The following EIF2B3 variants were observed in gnomAD, a reference collection of about 807,000 sequenced individuals.
EIF2B3 encodes the protein translation initiation factor eIF2B subunit gamma.
Under a neutral mutation model 54.1 loss-of-function variants are expected in EIF2B3, and 20 were observed. That is an observed-to-expected ratio of 0.37 (90% CI 0.26 to 0.54). The LOEUF is 0.54. EIF2B3 is among the 20% of genes least tolerant of loss of function. The pLI is 0.86. For synonymous variants in EIF2B3, 153 were observed against 188.1 expected (o/e 0.81, Z 1.52); for missense variants, 448 against 547.8 (o/e 0.82, Z 1.82).
At chr1:44,905,747 AC>A (rs1340717804) in intron 5 of EIF2B3, among the ~76,000 whole-genome samples, 1 of 152,224 alleles carries the variant, frequency 6.6e-6, no homozygotes, top group Non-Finnish European at 1.5e-5. Flanking sequence ...TTAATTACAT[AC>A]AAAAATACCT....
chr1:44,862,441 A>G (rs1246275508), intron 10 of EIF2B3, among the ~76,000 whole-genome samples: 5 of 152,158 alleles, frequency 3.3e-5, no homozygotes, highest in Admixed American at 3.3e-4. Flanking sequence ...ACACCACACT[A>G]TACTATGTTG....
At chr1:44,971,299 C>T (rs565536328) in intron 3 of EIF2B3, among the ~76,000 whole-genome samples, 1 of 149,978 alleles carries the variant, frequency 6.7e-6, no homozygotes, top group Non-Finnish European at 1.5e-5. Flanking sequence ...AGAAGAATGG[C>T]GTGAACCCAG....
At chr1:44,884,950 T>C (rs1372489672) in intron 6 of EIF2B3, among the ~76,000 whole-genome samples, 1 of 152,198 alleles carries the variant, frequency 6.6e-6, no homozygotes, top group East Asian at 1.9e-4. Flanking sequence ...TCAATCCCCA[T>C]GATGCAGTTG....
rs190191718 is a variant in EIF2B3 at position 44,960,597 on chromosome 1, C to T, written c.294+17718G>A. Among the ~76,000 whole-genome samples the T allele has an allele frequency of 1.5e-4, 22 of 151,692 alleles. No individual in the cohort carries two copies. The East Asian group carries it at 4.3e-3, about 29-fold the overall frequency. On this transcript the variant is annotated intron_variant, in intron 3 of 11. Transcript: ENST00000360403. ...AGCTTGCAGTGAGCCGAGATCGCGC[C>T]ACTGCACTCCAGCCTGGGCAACACA...
intron 5 of EIF2B3, among the ~76,000 whole-genome samples, chr1:44,924,005 A>G (rs1001458194): frequency 2.7e-5 from 4 of 150,764 alleles, no homozygotes; most frequent in African/African-American, 9.8e-5. Context: ...CAGCGGTGCA[A>G]TCTCGGCTCA....
At chr1:44,855,744 AC>A (rs1292064033) in intron 11 of EIF2B3, among the ~76,000 whole-genome samples, 3 of 151,982 alleles carry the variant, frequency 2.0e-5, no homozygotes, top group Non-Finnish European at 4.4e-5. Context: ...TTTAGTAGAG[AC>A]GGGGTTTCAC....
At chr1:44,952,260 G>A (rs1644173202) in intron 3 of EIF2B3, among the ~76,000 whole-genome samples, 1 of 103,694 alleles carries the variant, frequency 9.6e-6, no homozygotes, top group East Asian at 2.8e-4. Context: ...ACCGCGCCCG[G>A]CCCTAATTTT....
At chr1:44,877,028 G>A (rs1392797048) in intron 8 of EIF2B3, among the ~76,000 whole-genome samples, 1 of 150,258 alleles carries the variant, frequency 6.7e-6, no homozygotes, top group Admixed American at 6.6e-5. Context: ...ACCACTCCCT[G>A]ATCTTAAGTA....
intron 10 of EIF2B3, among the ~76,000 whole-genome samples, chr1:44,868,226 G>A (rs1180541349): frequency 5.3e-5 from 8 of 151,748 alleles, no homozygotes; most frequent in African/African-American, 1.7e-4. Context: ...GTGAAACCCC[G>A]TCTCTACTAA....
intron 3 of EIF2B3, among the ~76,000 whole-genome samples, chr1:44,943,865 G>C (rs893141609): frequency 1.3e-5 from 2 of 152,162 alleles, no homozygotes; most frequent in Admixed American, 1.3e-4. Context: ...TATAGTTTAG[G>C]CTGGGCGCAG....
chr1:44,872,961 G>A (rs1012316551), intron 10 of EIF2B3, among the ~76,000 whole-genome samples: 4 of 152,152 alleles, frequency 2.6e-5, no homozygotes, highest in African/African-American at 9.7e-5. Flanking sequence ...CTCTATTAGT[G>A]GTGTGCTGAC....
At chr1:44,872,730 C>T (rs1358891303) in intron 10 of EIF2B3, among the ~76,000 whole-genome samples, 2 of 152,118 alleles carry the variant, frequency 1.3e-5, no homozygotes, top group African/African-American at 4.8e-5. Flanking sequence ...CAAGATTCAG[C>T]TCAAGGGTCA....
chr1:44,937,883 CAAAAAAAAAAAAAAAAAAAAAAA>C (rs34363661), intron 4 of EIF2B3, among the ~76,000 whole-genome samples: 5 of 33,534 alleles, frequency 1.5e-4, no homozygotes, highest in South Asian at 2.0e-3. Flanking sequence ...GACTCCGTCT[CAAAAAAAAAAAAAAAAAAAAAAA>C]AAAAAAAAAA....
chr1:44,955,436 A>C (rs566818516), intron 3 of EIF2B3, among the ~76,000 whole-genome samples: 1 of 152,344 alleles, frequency 6.6e-6, no homozygotes, highest in African/African-American at 2.4e-5. Context: ...AGGCAATACC[A>C]TTCAGGAGAT....
At chr1:44,917,277 T>C (rs746710402) in intron 5 of EIF2B3, among the ~76,000 whole-genome samples, 5 of 152,208 alleles carry the variant, frequency 3.3e-5, no homozygotes, top group Non-Finnish European at 7.4e-5. Flanking sequence ...GCCAATCACC[T>C]GAGGTCAGGA....
chr1:44,960,613 G>C (rs1374593091), intron 3 of EIF2B3, among the ~76,000 whole-genome samples: 1 of 151,792 alleles, frequency 6.6e-6, no homozygotes, highest in Non-Finnish European at 1.5e-5. Context: ...ACTCCAGCCT[G>C]GGCAACACAG....
At chr1:44,904,247 T>C (rs1173930170) in intron 5 of EIF2B3, among the ~76,000 whole-genome samples, 2 of 152,084 alleles carry the variant, frequency 1.3e-5, no homozygotes, top group African/African-American at 4.8e-5. Flanking sequence ...CAAAAAAAAG[T>C]CAAATACAAG....
In EIF2B3 at chr1:44,922,903, C is replaced by T. The variant is rs174638; in HGVS notation, c.566+3725G>A. On this transcript the variant is annotated intron_variant, in intron 5 of 11. Coordinates refer to ENST00000360403, the MANE Select transcript of EIF2B3 (RefSeq NM_020365.5). ...CTCTGTTGCCCAGGCTGGAGTGCAG[C>T]GGCACCATCTCGGCTCGCTGTAACC... Among the ~76,000 whole-genome samples the T allele has an allele frequency of 7.4e-3, 901 of 122,184 alleles. 11 individuals carry two copies. Among genetic ancestry groups the T allele is most frequent in the African/African-American group, 0.027 (854 of 31,834 alleles). The allele number at this position is 122,184 out of a possible 152,430, so 80.2% of individuals were successfully genotyped here.
In EIF2B3 at chr1:44,970,473, CT is replaced by C. The variant is rs555903421; in HGVS notation, c.294+7841del. Among the ~76,000 whole-genome samples the C allele has an allele frequency of 5.2e-3, 784 of 152,206 alleles. 10 individuals carry two copies. Among genetic ancestry groups the C allele is most frequent in the African/African-American group, 0.018 (753 of 41,542 alleles). On this transcript the variant is annotated intron_variant, in intron 3 of 11. Transcript: ENST00000360403. ...TCAAACTTTTAGGGAATGTTCTTAT[CT>C]TACCTAAAATCTTATTGGAAACAGA...
Sources: gnomAD v4.1 joint callset for allele counts (sites outside exome capture counted in the v4.1 genomes callset) on GRCh38, gnomAD v4.1.1 for gene constraint, MANE v1.5 for transcripts, NCBI Gene and HGNC (gene_info 2026-07-23, HGNC 2026-07-21) for gene names.